LRBA: variants seen among roughly 807,000 people sequenced by gnomAD.
LRBA encodes LPS responsive beige-like anchor protein.
Under a neutral mutation model 330.0 loss-of-function variants are expected in LRBA, and 176 were observed. The observed-to-expected ratio is 0.53, with a 90% CI of 0.47 to 0.60. The LOEUF (loss-of-function observed/expected upper bound fraction) is 0.60. Ranked by LOEUF, LRBA falls within the 20% of genes least tolerant of loss-of-function variation. LRBA has a pLI of 0.00. For synonymous variants in LRBA, 1,230 were observed against 1,193.0 expected (o/e 1.03, Z -0.64); for missense variants, 3,259 against 3,444.8 (o/e 0.95, Z 1.35).
chr4:150,745,698 T>C (rs1171190813), intron 35 of LRBA, among the ~76,000 whole-genome samples: 3 of 152,220 alleles, frequency 2.0e-5, no homozygotes, highest in East Asian at 3.9e-4. Flanking sequence ...GTATCTTTAG[T>C]AGAGACGGGA....
chr4:150,910,255 C>T (rs1345706184), intron 9 of LRBA, among the ~76,000 whole-genome samples: 1 of 152,090 alleles, frequency 6.6e-6, no homozygotes, highest in African/African-American at 2.4e-5. Context: ...AAGCTTTTCC[C>T]TTGTGTATTC....
chr4:150,429,519 A>C (rs1750091725), intron 46 of LRBA, among the ~76,000 whole-genome samples: 1 of 152,130 alleles, frequency 6.6e-6, no homozygotes, highest in Admixed American at 6.6e-5. Flanking sequence ...AGACTGTAAG[A>C]ATAGCTTTGA....
At chr4:150,793,067 C>T (rs893203633) in intron 34 of LRBA, among the ~76,000 whole-genome samples, 5 of 149,806 alleles carry the variant, frequency 3.3e-5, no homozygotes, top group Admixed American at 1.3e-4. Flanking sequence ...GCGACAAGAG[C>T]GAAACTCCAT....
At chr4:150,453,056 T>G (rs979648207) in intron 44 of LRBA, among the ~76,000 whole-genome samples, 1 of 152,134 alleles carries the variant, frequency 6.6e-6, no homozygotes, top group African/African-American at 2.4e-5. Context: ...AAGGACTAAA[T>G]AAGCGGAAAA....
At chr4:150,475,713 A>G (rs1257478856) in intron 42 of LRBA, among the ~76,000 whole-genome samples, 4 of 151,634 alleles carry the variant, frequency 2.6e-5, no homozygotes, top group African/African-American at 9.7e-5. Context: ...TGAGCAACAT[A>G]GGAAGACCCT....
At chr4:150,720,252 T>G (rs1728754216) in intron 36 of LRBA, among the ~76,000 whole-genome samples, 1 of 151,932 alleles carries the variant, frequency 6.6e-6, no homozygotes, top group African/African-American at 2.4e-5. Context: ...ACAAATAAGT[T>G]AATACATAAA....
At chr4:150,486,557 A>C (rs1351743500) in intron 42 of LRBA, among the ~76,000 whole-genome samples, 4 of 151,988 alleles carry the variant, frequency 2.6e-5, no homozygotes, top group Non-Finnish European at 5.9e-5. Context: ...TCAGACTATT[A>C]GCAACCAATA....
At chr4:150,971,249 T>G (rs1366052491) in intron 2 of LRBA, among the ~76,000 whole-genome samples, 1 of 152,190 alleles carries the variant, frequency 6.6e-6, no homozygotes, top group Non-Finnish European at 1.5e-5. Context: ...ACTTTTTCCT[T>G]ACTTCAAAGT....
intron 34 of LRBA, among the ~76,000 whole-genome samples, chr4:150,777,105 G>GTTGTTT (rs1578749090): frequency 6.6e-6 from 1 of 151,398 alleles, no homozygotes; most frequent in African/African-American, 2.4e-5. Flanking sequence ...TGTTGTTGTT[G>GTTGTTT]TTTGAAAAAG....
At chr4:150,776,555 TGTA>T (rs1737357743) in intron 34 of LRBA, among the ~76,000 whole-genome samples, 1 of 152,222 alleles carries the variant, frequency 6.6e-6, no homozygotes, top group South Asian at 2.1e-4. Flanking sequence ...GGCTCACGCA[TGTA>T]ATCTCAGCAC....
chr4:150,279,350 C>T (rs781173034), intron 55 of LRBA, among the ~76,000 whole-genome samples: 7 of 152,184 alleles, frequency 4.6e-5, no homozygotes, highest in Non-Finnish European at 7.4e-5. Flanking sequence ...GCCTTGCTTT[C>T]TTAGCTTATT....
At chr4:150,930,310 G>A (rs1384714615) in intron 2 of LRBA, among the ~76,000 whole-genome samples, 2 of 76,212 alleles carry the variant, frequency 2.6e-5, no homozygotes, top group East Asian at 4.9e-4. Flanking sequence ...GCGAGACTCC[G>A]TCTCAAAAAA....
At chr4:150,407,453 C>CAAACAA (rs953875364) in intron 47 of LRBA, among the ~76,000 whole-genome samples, 2 of 151,916 alleles carry the variant, frequency 1.3e-5, no homozygotes, top group Admixed American at 6.6e-5. Context: ...AAAACAAAAA[C>CAAACAA]AAACAAAAAC....
chr4:150,421,602 C>G (rs73858565), intron 46 of LRBA, among the ~76,000 whole-genome samples: 25 of 152,170 alleles, frequency 1.6e-4, no homozygotes, highest in African/African-American at 5.8e-4. Context: ...ACGTCACTGT[C>G]CTAGCTTCAT....
chr4:150,598,014 T>G (rs1773693958), intron 38 of LRBA, among the ~76,000 whole-genome samples: 1 of 152,082 alleles, frequency 6.6e-6, no homozygotes, highest in Non-Finnish European at 1.5e-5. Context: ...GTGCAAGAGG[T>G]TAAGCTGCCT....
At chr4:150,278,109 A>G in intron 55 of LRBA, 105 bp from the exon 56 acceptor site, 3 of 900,970 alleles carry the variant, frequency 3.3e-6, no homozygotes, top group Non-Finnish European at 4.9e-6. Flanking sequence ...TGCAGAGAGA[A>G]GAGAGAGAGA....
chr4:150,683,756 A>C, intron 36 of LRBA, 39 bp from the exon 37 acceptor site: 2 of 1,445,798 alleles, frequency 1.4e-6, no homozygotes, highest in Non-Finnish European at 1.9e-6. Context: ...AAAAATGTGA[A>C]AAAAACCTTT....
At chr4:150,889,345 CA>C (rs547457809) in intron 17 of LRBA, among the ~76,000 whole-genome samples, 2 of 151,514 alleles carry the variant, frequency 1.3e-5, no homozygotes, top group South Asian at 4.1e-4. Flanking sequence ...TTAATCTCAT[CA>C]AAAAAACACT....
chr4:150,674,784 A>C (rs1782385857), intron 37 of LRBA, among the ~76,000 whole-genome samples: 3 of 151,920 alleles, frequency 2.0e-5, no homozygotes, highest in Admixed American at 2.0e-4. Flanking sequence ...CTGAAGGAGG[A>C]GGGCTGCTTG....
Sources: gnomAD v4.1 joint callset for allele counts (sites outside exome capture counted in the v4.1 genomes callset) on GRCh38, gnomAD v4.1.1 for gene constraint, MANE v1.5 for transcripts, NCBI Gene and HGNC (gene_info 2026-07-23, HGNC 2026-07-21) for gene names.